The following STXBP6 variants were observed in gnomAD, a reference collection of about 807,000 sequenced individuals.
STXBP6 encodes syntaxin-binding protein 6.
In STXBP6, 21 loss-of-function variants were observed where a neutral mutation model predicts 26.9. The ratio of observed to expected loss-of-function variants is 0.78; its 90% CI spans 0.55 to 1.12. The LOEUF is 1.12. Ranked by LOEUF, STXBP6 falls within the 50% of genes most tolerant of loss-of-function variation. The probability of loss-of-function intolerance (pLI) is 0.00; values close to 1 mark genes in which losing one functional copy is unlikely to be tolerated. For missense variants in STXBP6, 232 were observed against 257.9 expected (o/e 0.90, Z 0.69); for synonymous variants, 97 against 92.6 (o/e 1.05, Z -0.27).
chr14:24,845,095 T>C (rs527895318), intron 4 of STXBP6, among the ~76,000 whole-genome samples: 58 of 150,944 alleles, frequency 3.8e-4, no homozygotes, highest in African/African-American at 1.3e-3. Context: ...CACTGCAACC[T>C]CCGCCTCTTG....
intron 4 of STXBP6, among the ~76,000 whole-genome samples, chr14:24,846,625 A>G (rs2068972488): frequency 6.6e-6 from 1 of 152,216 alleles, no homozygotes; most frequent in Admixed American, 6.5e-5. Context: ...TTTAGTATAA[A>G]TATGCTGCAA....
rs577175568 is a variant in STXBP6, at chr14:24,822,774, G to A, written c.452-3580C>T. 7.2e-5 allele frequency among the ~76,000 whole-genome samples: 11 copies of A among 152,062 alleles called. No individual in the cohort carries two copies. In the East Asian group the frequency reaches 1.2e-3, roughly 16 times the overall value. Reference sequence around the variant, plus strand: ...GTCATTCTCTCTTCTCTCCTATCTCGGGGCTAAGTGTTTTGAAGCTTGCAG... The same window carrying A: ...GTCATTCTCTCTTCTCTCCTATCTCAGGGCTAAGTGTTTTGAAGCTTGCAG... On this transcript the variant is annotated intron_variant, in intron 4 of 5. Transcript: ENST00000323944.
At chr14:24,912,613 A>C (rs1036767178) in intron 2 of STXBP6, among the ~76,000 whole-genome samples, 44 of 152,220 alleles carry the variant, frequency 2.9e-4, no homozygotes, top group Non-Finnish European at 2.9e-5. Context: ...ATAACAATTT[A>C]TTAAAAGAAT....
intron 2 of STXBP6, among the ~76,000 whole-genome samples, chr14:24,926,638 T>A (rs941069433): frequency 2.6e-5 from 4 of 152,216 alleles, no homozygotes; most frequent in African/African-American, 9.6e-5. Flanking sequence ...AATTACAATT[T>A]AAAAAAATAT....
intron 2 of STXBP6, among the ~76,000 whole-genome samples, chr14:24,960,465 A>C (rs376409237): frequency 6.6e-6 from 1 of 152,334 alleles, no homozygotes; most frequent in African/African-American, 2.4e-5. Context: ...GGTAATTATA[A>C]AGCATATATG....
intron 2 of STXBP6, among the ~76,000 whole-genome samples, chr14:24,876,013 G>T (rs1160387121): frequency 6.6e-6 from 1 of 152,116 alleles, no homozygotes; most frequent in African/African-American, 2.4e-5. Flanking sequence ...GAGTGGAGGG[G>T]TGGGGTGAGA....
chr14:24,940,561 C>A (rs1305343113), intron 2 of STXBP6, among the ~76,000 whole-genome samples: 1 of 152,162 alleles, frequency 6.6e-6, no homozygotes, highest in Non-Finnish European at 1.5e-5. Context: ...AGGCTGACTG[C>A]AGACTGATAA....
intron 2 of STXBP6, among the ~76,000 whole-genome samples, chr14:24,861,961 A>C (rs573701290): frequency 2.8e-4 from 42 of 152,212 alleles, no homozygotes; most frequent in African/African-American, 9.9e-4. Context: ...TAGGACCCAA[A>C]GGGGTCTGAC....
intron 2 of STXBP6, among the ~76,000 whole-genome samples, chr14:24,892,661 T>A (rs749986086): frequency 9.2e-5 from 14 of 152,206 alleles, no homozygotes; most frequent in Non-Finnish European, 1.8e-4. Flanking sequence ...TTCTGAACTC[T>A]GGTCCTTGTG....
At chr14:25,032,422 G>A (rs1171305718) in intron 1 of STXBP6, among the ~76,000 whole-genome samples, 1 of 152,128 alleles carries the variant, frequency 6.6e-6, no homozygotes, top group African/African-American at 2.4e-5. Flanking sequence ...AAAGAAACTA[G>A]ATCTAACCTA....
intron 2 of STXBP6, among the ~76,000 whole-genome samples, chr14:24,905,464 T>C (rs1462745895): frequency 6.6e-6 from 1 of 151,336 alleles, no homozygotes; most frequent in Non-Finnish European, 1.5e-5. Flanking sequence ...TTCTGCGCAC[T>C]CTTCACCCTC....
intron 2 of STXBP6, among the ~76,000 whole-genome samples, chr14:24,928,261 T>C (rs927598): frequency 0.77 from 116,572 of 152,088 alleles, 45,429 homozygotes; most frequent in African/African-American, 0.91. Context: ...AGCACTACCA[T>C]GGAAAAAACT....
At chr14:24,993,813 G>A (rs549857851) in intron 1 of STXBP6, among the ~76,000 whole-genome samples, 16 of 152,180 alleles carry the variant, frequency 1.1e-4, no homozygotes, top group East Asian at 3.9e-4. Context: ...ACCAGCCTTG[G>A]ACCCTCCCTT....
At chr14:25,042,219 C>T (rs533971725) in intron 1 of STXBP6, among the ~76,000 whole-genome samples, 3 of 152,184 alleles carry the variant, frequency 2.0e-5, no homozygotes, top group Non-Finnish European at 4.4e-5. Context: ...GGATGTAATT[C>T]CCCAAGCCAG....
intron 2 of STXBP6, among the ~76,000 whole-genome samples, chr14:24,971,002 T>C (rs377632628): frequency 6.6e-6 from 1 of 152,202 alleles, no homozygotes; most frequent in Non-Finnish European, 1.5e-5. Context: ...CAATCTGTGA[T>C]TCCAGTGAGA....
chr14:24,838,531 A>G (rs1426480408), intron 4 of STXBP6, among the ~76,000 whole-genome samples: 1 of 151,988 alleles, frequency 6.6e-6, no homozygotes, highest in Non-Finnish European at 1.5e-5. Flanking sequence ...TAAAAATACA[A>G]AAATTAGCCA....
At chr14:25,017,840 C>T (rs961081224) in intron 1 of STXBP6, among the ~76,000 whole-genome samples, 1 of 151,354 alleles carries the variant, frequency 6.6e-6, no homozygotes, top group Non-Finnish European at 1.5e-5. Flanking sequence ...ACAGTGGTTG[C>T]GAGCTCCAAC....
chr14:25,045,852 C>A (rs988282069), intron 1 of STXBP6, among the ~76,000 whole-genome samples: 1 of 152,092 alleles, frequency 6.6e-6, no homozygotes, highest in African/African-American at 2.4e-5. Context: ...AGGTGATCCA[C>A]CCGCCTCAGC....
At chr14:25,043,433 T>C (rs1187767221) in intron 1 of STXBP6, among the ~76,000 whole-genome samples, 1 of 152,226 alleles carries the variant, frequency 6.6e-6, no homozygotes, top group Non-Finnish European at 1.5e-5. Flanking sequence ...CCAACTACCT[T>C]CTTCCTATTT....
Sources: gnomAD v4.1 joint callset for allele counts (sites outside exome capture counted in the v4.1 genomes callset) on GRCh38, gnomAD v4.1.1 for gene constraint, MANE v1.5 for transcripts, NCBI Gene and HGNC (gene_info 2026-07-23, HGNC 2026-07-21) for gene names.